Variants in FLRT1 observed in about 807,000 individuals in gnomAD.
FLRT1 encodes the protein fibronectin leucine rich transmembrane protein 1.
FLRT1 carries 14 observed loss-of-function variants against 30.9 expected under a neutral mutation model. The ratio of observed to expected loss-of-function variants is 0.45; its 90% CI spans 0.30 to 0.71. The LOEUF is 0.71. Ranked by LOEUF, FLRT1 falls within the 30% of genes least tolerant of loss-of-function variation. FLRT1 has a pLI of 0.08. For missense variants in FLRT1, 737 were observed against 949.2 expected, an observed-to-expected ratio of 0.78 and a Z score of 2.94; for synonymous variants, 368 against 430.4, an observed-to-expected ratio of 0.85 and a Z score of 1.80.
chr11:64,083,919 G>C (rs1251255848), intron 1 of FLRT1, among the ~76,000 whole-genome samples: 2 of 152,208 alleles, frequency 1.3e-5, no homozygotes, highest in Non-Finnish European at 2.9e-5. Flanking sequence ...CCGGCCCCGT[G>C]GGCAGGGGCA....
intron 1 of FLRT1, among the ~76,000 whole-genome samples, chr11:64,094,045 C>T (rs1944534945): frequency 6.6e-6 from 1 of 152,332 alleles, no homozygotes; most frequent in East Asian, 1.9e-4. Flanking sequence ...GCCTGTAATC[C>T]CAGCACTTTG....
At chr11:64,113,360 TGATGGATG>T (rs1191481891) in intron 2 of FLRT1, among the ~76,000 whole-genome samples, 3 of 152,078 alleles carry the variant, frequency 2.0e-5, no homozygotes, top group Non-Finnish European at 4.4e-5. Flanking sequence ...GTTGGATGCA[TGATGGATG>T]GATGGATGGA....
chr11:64,098,218 G>A (rs921784608), intron 1 of FLRT1, among the ~76,000 whole-genome samples: 1 of 152,170 alleles, frequency 6.6e-6, no homozygotes, highest in South Asian at 2.1e-4. Context: ...CCCTGCCCTT[G>A]TACAAAGACC....
chr11:64,094,548 A>T (rs1306177179), intron 1 of FLRT1, among the ~76,000 whole-genome samples: 2 of 152,154 alleles, frequency 1.3e-5, no homozygotes, highest in Non-Finnish European at 2.9e-5. Flanking sequence ...AGGCTCCTGG[A>T]GTGAAGGCCT....
Position 64,090,168 on chromosome 11 carries a change from G to GC in FLRT1, c.-1037-13022dup, listed in dbSNP as rs1944464381. Among the ~76,000 whole-genome samples, 1 of 152,158 alleles carries GC rather than the reference G, an allele frequency of 6.6e-6. No homozygotes were observed. Among genetic ancestry groups the GC allele is most frequent in the East Asian group, 1.9e-4 (1 of 5,196 alleles). On this transcript the variant is annotated intron_variant, in intron 1 of 2. Coordinates refer to ENST00000682287, the MANE Select transcript of FLRT1 (RefSeq NM_013280.5). This position sits in a 1 kb window ranked among gnomAD's most constrained non-coding sequence, Gnocchi z 4.7. ...GACTCATCTCTGCCTGTCTTCCCAG[G>GC]CCCCAGGTTTCAGGCCCCGAACAGC...
intron 1 of FLRT1, among the ~76,000 whole-genome samples, chr11:64,071,546 T>G (rs1944107849): frequency 6.6e-6 from 1 of 152,070 alleles, no homozygotes; most frequent in African/African-American, 2.4e-5. Flanking sequence ...AGGGGCCCAC[T>G]CTGGGCAGGG....
At chr11:64,054,112 C>T (rs1443011545) in intron 1 of FLRT1, among the ~76,000 whole-genome samples, 1 of 152,192 alleles carries the variant, frequency 6.6e-6, no homozygotes, top group Non-Finnish European at 1.5e-5. Flanking sequence ...CTCCACAGCC[C>T]CTGAGTTCTA....
rs980632454 is a variant in FLRT1 at position 64,096,956 on chromosome 11, C to T, written c.-1037-6238C>T. ...GTCCCCCGCTCACCCACTCTCTCAG[C>T]GTCTGGGCCCGGGAGTTCCTGCCTA... On this transcript the variant is annotated intron_variant, in intron 1 of 2. Coordinates refer to ENST00000682287, the MANE Select transcript of FLRT1 (RefSeq NM_013280.5). The surrounding 1 kb of genome is among the most constrained non-coding windows in gnomAD (Gnocchi z 4.6). Among the ~76,000 whole-genome samples, 3 of 152,230 alleles carry T rather than the reference C, an allele frequency of 2.0e-5. No homozygotes were observed. Among genetic ancestry groups the T allele is most frequent in the African/African-American group, 4.8e-5 (2 of 41,472 alleles).
In FLRT1 at chr11:64,072,680, C is replaced by T. The variant is rs1473286576; in HGVS notation, c.-1037-30514C>T. Among the ~76,000 whole-genome samples the T allele has an allele frequency of 7.9e-5, 12 of 152,290 alleles. No individual in the cohort carries two copies. In the East Asian group the frequency reaches 2.3e-3, roughly 29 times the overall value. On this transcript the variant is annotated intron_variant, in intron 1 of 2. Coordinates refer to ENST00000682287, the MANE Select transcript of FLRT1 (RefSeq NM_013280.5). ...GTTATAGGGCTGTTCTCCCCATGCC[C>T]TGGTTATAGGGCTGTTCTGGGGATT...
intron 2 of FLRT1, among the ~76,000 whole-genome samples, chr11:64,110,021 C>A (rs940194857): frequency 6.6e-6 from 1 of 152,088 alleles, no homozygotes; most frequent in Non-Finnish European, 1.5e-5. Context: ...CCAGATCACA[C>A]TCAGGAGGGG....
intron 1 of FLRT1, among the ~76,000 whole-genome samples, chr11:64,102,197 G>C (rs980505708): frequency 3.3e-5 from 5 of 152,148 alleles, no homozygotes; most frequent in African/African-American, 1.2e-4. Flanking sequence ...TTCCAAAGAG[G>C]GGTTCCTGCA....
intron 1 of FLRT1, among the ~76,000 whole-genome samples, chr11:64,065,064 C>G (rs972217752): frequency 2.0e-5 from 3 of 152,166 alleles, no homozygotes; most frequent in African/African-American, 7.2e-5. Flanking sequence ...CCAGCAGGGC[C>G]CAGCACAGGC....
At chr11:64,104,587 T>C (rs538662618) in intron 2 of FLRT1, among the ~76,000 whole-genome samples, 1 of 152,178 alleles carries the variant, frequency 6.6e-6, no homozygotes, top group Admixed American at 6.5e-5. Flanking sequence ...TAACCTAGGC[T>C]ACTTGCCCTG....
At chr11:64,053,020 G>A (rs1590843254) in intron 1 of FLRT1, among the ~76,000 whole-genome samples, 2 of 152,328 alleles carry the variant, frequency 1.3e-5, no homozygotes, top group East Asian at 3.9e-4. Context: ...CTTACACCCC[G>A]GGCTCTCAAC....
intron 2 of FLRT1, among the ~76,000 whole-genome samples, chr11:64,109,999 C>T (rs150330418): frequency 1.8e-4 from 27 of 152,128 alleles, no homozygotes; most frequent in Non-Finnish European, 2.9e-4. Context: ...AAACTGGATG[C>T]GTCGGGGGCA....
Position 64,118,065 on chromosome 11 carries a change from T to C in FLRT1, c.1798T>C (p.Tyr600His). ...CCGGGGCAGCAGGAAAAAGGATGAC[T>C]ATATGGAGTCAGGGACCAAGAAGGA... ...YNRGSRKKDD[Y>H]MESGTKKDNS... Residue 600 changes from tyrosine to histidine, a missense_variant, in exon 3 of 3, where the codon TAT becomes CAT. Physicochemically the swap from Tyr to His is moderately conservative, Grantham distance 83. Transcript: ENST00000682287. The C allele has an allele frequency of 6.2e-7, 1 of 1,612,976 alleles. No homozygotes were observed. Among genetic ancestry groups the C allele is most frequent in the Non-Finnish European group, 8.5e-7 (1 of 1,179,424 alleles).
At chr11:64,092,592 G>A (rs1005222618) in intron 1 of FLRT1, among the ~76,000 whole-genome samples, 9 of 152,200 alleles carry the variant, frequency 5.9e-5, no homozygotes, top group Admixed American at 2.0e-4. Flanking sequence ...CCTCTGCCCC[G>A]TCCACTCCCA....
In FLRT1 at chr11:64,117,566, T is replaced by TG; in HGVS notation, c.1300dup (p.Asp434GlyfsTer86). ...ACATTGACTACCCCATGGCCACGGG[T>TG]GATGGCGCCAAGACCCTGGCCATCC... On this transcript the variant is annotated frameshift_variant, in exon 3 of 3. Coordinates refer to ENST00000682287, the MANE Select transcript of FLRT1 (RefSeq NM_013280.5). LOFTEE classifies it high-confidence loss of function. 6.2e-7 allele frequency: 1 copy of TG among 1,607,336 alleles called. No individual in the cohort carries two copies. Among genetic ancestry groups the TG allele is most frequent in the Non-Finnish European group, 8.5e-7 (1 of 1,175,694 alleles).
At chr11:64,057,780 G>A (rs918268881) in intron 1 of FLRT1, among the ~76,000 whole-genome samples, 2 of 152,224 alleles carry the variant, frequency 1.3e-5, no homozygotes, top group African/African-American at 4.8e-5. Flanking sequence ...CTTGTTGAGC[G>A]CTTACTCTGT....
Sources: gnomAD v4.1 joint callset for allele counts (sites outside exome capture counted in the v4.1 genomes callset) on GRCh38, gnomAD v4.1.1 for gene constraint, Gnocchi (gnomAD v3.1) non-coding constraint, MANE v1.5 for transcripts, NCBI Gene and HGNC (gene_info 2026-07-23, HGNC 2026-07-21) for gene names.